UGGT1: variants seen among roughly 807,000 people sequenced by gnomAD.
UGGT1 encodes UDP-glucose glycoprotein glucosyltransferase 1.
Under a neutral mutation model 203.9 loss-of-function variants are expected in UGGT1, and 107 were observed. The ratio of observed to expected loss-of-function variants is 0.52; its 90% CI spans 0.45 to 0.62. UGGT1 has a LOEUF of 0.62. Ranked by LOEUF, UGGT1 falls within the 20% of genes least tolerant of loss-of-function variation. UGGT1 has a pLI of 0.00. For missense variants in UGGT1, 1,673 were observed against 1,867.2 expected, an observed-to-expected ratio of 0.90 and a Z score of 1.92; for synonymous variants, 628 against 653.5, an observed-to-expected ratio of 0.96 and a Z score of 0.59.
intron 11 of UGGT1, among the ~76,000 whole-genome samples, chr2:128,123,644 C>T (rs879678031): frequency 2.0e-5 from 3 of 152,202 alleles, no homozygotes; most frequent in African/African-American, 7.2e-5. Context: ...CTGCCTCCCC[C>T]TCAGTGTCCC....
At chr2:128,134,105 C>T (rs1049216014) in intron 14 of UGGT1, among the ~76,000 whole-genome samples, 1 of 152,178 alleles carries the variant, frequency 6.6e-6, no homozygotes, top group South Asian at 2.1e-4. Context: ...GGCAGGATCT[C>T]GGCTCACTGC....
intron 1 of UGGT1, among the ~76,000 whole-genome samples, chr2:128,096,691 AGGTACC>A (rs1423822319): frequency 6.6e-6 from 1 of 152,222 alleles, no homozygotes; most frequent in Non-Finnish European, 1.5e-5. Context: ...TGACATTACG[AGGTACC>A]GGGGGATAGG....
Position 128,160,448 on chromosome 2 carries a change from T to G in UGGT1, c.2563-12T>G. The G allele has an allele frequency of 6.3e-7, 1 of 1,586,780 alleles. No homozygotes were observed. Among genetic ancestry groups the G allele is most frequent in the East Asian group, 2.3e-5 (1 of 44,160 alleles). On this transcript the variant is annotated splice_polypyrimidine_tract_variant and intron_variant, in intron 23 of 40. Coordinates refer to ENST00000259253, the MANE Select transcript of UGGT1 (RefSeq NM_020120.4). ...AACGACTATTTTTCCTTAATAATGATTACTTTCCTAGGGAATGGATTTCAG... is the reference window on the plus strand; with the variant it reads ...AACGACTATTTTTCCTTAATAATGAGTACTTTCCTAGGGAATGGATTTCAG...
chr2:128,126,884 C>A (rs553001184), intron 11 of UGGT1, among the ~76,000 whole-genome samples: 1 of 151,078 alleles, frequency 6.6e-6, no homozygotes, highest in African/African-American at 2.4e-5. Context: ...GGTTTTGCCA[C>A]GTTGTCCAGG....
chr2:128,093,085 T>C (rs78900746), intron 1 of UGGT1, among the ~76,000 whole-genome samples: 2,167 of 152,322 alleles, frequency 0.014, 33 homozygotes, highest in Admixed American at 0.025. Flanking sequence ...CCTCTGGTTT[T>C]ACCTGTAGAG....
Position 128,195,652 on chromosome 2 carries a change from G to GT in UGGT1, c.*5911dup, listed in dbSNP as rs1692479508. On this transcript the variant is annotated 3_prime_UTR_variant, in exon 41 of 41. Transcript: ENST00000259253. ...ATGAAAATAAGGTCTGCTCAACACAGTAAACGTTTCCTCTCTTCTTTAAAA... is the reference window on the plus strand; with the variant it reads ...ATGAAAATAAGGTCTGCTCAACACAGTTAAACGTTTCCTCTCTTCTTTAAAA... 1 of 152,186 alleles carries GT rather than the reference G, an allele frequency of 6.6e-6. No homozygotes were observed. Among genetic ancestry groups the GT allele is most frequent in the African/African-American group, 2.4e-5 (1 of 41,430 alleles). 9.4% of individuals were successfully genotyped at this position (152,186 alleles called of 1,614,324 possible).
rs539476444 is a variant in UGGT1, at chr2:128,151,275, C to T, written c.2017-1509C>T. On this transcript the variant is annotated intron_variant, in intron 18 of 40. Transcript: ENST00000259253. ...TGAAAGTCTTACCTTCCTCGTCCAT[C>T]TCCTTGGCCTGCTTCTTGGGCTGTT... is the stretch of plus-strand genomic sequence containing the variant. The T allele has an allele frequency of 3.7e-4, 218 of 593,380 alleles. 2 individuals carry two copies. The highest frequency in any genetic ancestry group is 3.2e-3 in the South Asian group (212 of 65,890). The allele number at this position is 593,380 out of a possible 1,614,324, so 36.8% of individuals were successfully genotyped here. A position where few individuals can be genotyped will look rare whatever the true frequency, so the allele number is the denominator to read the frequency against.
At position 128,127,465 on chromosome 2, in the gene UGGT1, T is replaced by C; in HGVS notation, c.1226+13T>C. ...AGGATATATTCAGGTATGGATAATA[T>C]TTTTCATTCTCTGAAAAGTTTTTGT... On this transcript the variant is annotated intron_variant, in intron 12 of 40. Coordinates refer to ENST00000259253, the MANE Select transcript of UGGT1 (RefSeq NM_020120.4). The C allele has an allele frequency of 6.3e-7, 1 of 1,589,636 alleles. No individual in the cohort carries two copies. Among genetic ancestry groups the C allele is most frequent in the Non-Finnish European group, 8.6e-7 (1 of 1,162,222 alleles).
Position 128,143,234 on chromosome 2 carries a change from T to A in UGGT1, c.1851+9T>A, listed in dbSNP as rs1476038161. On this transcript the variant is annotated intron_variant, in intron 17 of 40. Coordinates refer to ENST00000259253, the MANE Select transcript of UGGT1 (RefSeq NM_020120.4). ...ATGATCGGAATCGGAAGGTAAAAAA[T>A]TTCTTTGTGTTTCTTATTTGATTGC... is the stretch of plus-strand genomic sequence containing the variant. 6.2e-7 allele frequency: 1 copy of A among 1,612,138 alleles called. No homozygotes were observed. The highest frequency in any genetic ancestry group is 1.3e-5 in the African/African-American group (1 of 74,836).
intron 2 of UGGT1, among the ~76,000 whole-genome samples, chr2:128,099,289 G>A (rs1687258718): frequency 6.6e-6 from 1 of 152,040 alleles, no homozygotes; most frequent in South Asian, 2.1e-4. Context: ...GACTACAGGT[G>A]TGAGCCACTA....
At chr2:128,122,920 T>C (rs554236999) in intron 10 of UGGT1, among the ~76,000 whole-genome samples, 17 of 152,198 alleles carry the variant, frequency 1.1e-4, no homozygotes, top group Non-Finnish European at 2.4e-4. Flanking sequence ...TATATAGAAA[T>C]GGGGTGCATA....
intron 2 of UGGT1, among the ~76,000 whole-genome samples, chr2:128,102,648 G>C (rs1687432457): frequency 6.6e-6 from 1 of 152,120 alleles, no homozygotes; most frequent in Non-Finnish European, 1.5e-5. Flanking sequence ...CCTTATGTAT[G>C]CAGTGGGGTG....
chr2:128,127,573 C>T, intron 12 of UGGT1, 121 bp downstream of exon 12: 1 of 721,430 alleles, frequency 1.4e-6, no homozygotes, highest in Non-Finnish European at 2.4e-6. Flanking sequence ...TTACCAGCCC[C>T]CACTGGGTGG....
At chr2:128,097,785 T>C (rs572318545) in intron 2 of UGGT1, among the ~76,000 whole-genome samples, 54 of 152,334 alleles carry the variant, frequency 3.5e-4, no homozygotes, top group African/African-American at 1.2e-3. Context: ...GTAGGAACTT[T>C]GGACAAATAA....
chr2:128,157,118 CT>C (rs1217299639), intron 21 of UGGT1, 133 bp from the exon 22 acceptor site: 4 of 666,928 alleles, frequency 6.0e-6, no homozygotes, highest in Non-Finnish European at 1.0e-5. Context: ...TTTCTTCTAT[CT>C]TTATTAAGCT....
rs1687092940 is a variant in UGGT1, at chr2:128,095,786, T to C, written c.59-1643T>C. Among the ~76,000 whole-genome samples, 3 of 152,350 alleles carry C rather than the reference T, an allele frequency of 2.0e-5. No homozygotes were observed. The South Asian group carries it at 6.2e-4, about 32-fold the overall frequency. On this transcript the variant is annotated intron_variant, in intron 1 of 40. Transcript: ENST00000259253. ...CGTTCTTCAGAGATACTGTATGTTC[T>C]ATGAAGCAGGATGTTAACACAAATG...
rs899515580 is a variant in UGGT1 at position 128,191,096 on chromosome 2, G to C, written c.*1354G>C. On this transcript the variant is annotated 3_prime_UTR_variant, in exon 41 of 41. Coordinates refer to ENST00000259253, the MANE Select transcript of UGGT1 (RefSeq NM_020120.4). ...CAGGCTGCAGGGCACAGCAGCACTG[G>C]CATAGACAGGCACGCTCTGTCTTCC... The C allele has an allele frequency of 2.0e-5, 3 of 152,256 alleles. No individual in the cohort carries two copies. The highest frequency in any genetic ancestry group is 7.2e-5 in the African/African-American group (3 of 41,464). The allele number at this position is 152,256 out of a possible 1,614,324, so 9.4% of individuals were successfully genotyped here.
At chr2:128,100,005 A>C (rs1687291471) in intron 2 of UGGT1, among the ~76,000 whole-genome samples, 1 of 136,362 alleles carries the variant, frequency 7.3e-6, no homozygotes, top group African/African-American at 2.7e-5. Flanking sequence ...AAAATCTGTC[A>C]TTGAGATTTA....
At chr2:128,123,323 C>T (rs1158080024) in intron 11 of UGGT1, 77 bp downstream of exon 11, 18 of 1,221,978 alleles carry the variant, frequency 1.5e-5, no homozygotes, top group Non-Finnish European at 1.9e-5. Flanking sequence ...TAATCAGCAG[C>T]ATTTAACAGT....
Sources: allele counts gnomAD v4.1 joint callset (sites outside exome capture counted in the v4.1 genomes callset), GRCh38; gene constraint gnomAD v4.1.1; transcripts MANE v1.5; gene names NCBI Gene and HGNC (gene_info 2026-07-23, HGNC 2026-07-21).